The following SHROOM3 variants were observed in gnomAD, a reference collection of about 807,000 sequenced individuals.
SHROOM3 encodes protein Shroom3.
SHROOM3 carries 47 observed loss-of-function variants against 138.6 expected under a neutral mutation model. The ratio of observed to expected loss-of-function variants is 0.34; its 90% CI spans 0.27 to 0.43. The LOEUF (loss-of-function observed/expected upper bound fraction) is 0.43. Among genes scored for constraint, SHROOM3 ranks in the 20% least tolerant of loss-of-function variants. SHROOM3 has a pLI of 1.00. For missense variants in SHROOM3, 2,491 were observed against 2,596.5 expected (o/e 0.96, Z 0.88); for synonymous variants, 1,062 against 1,063.3 (o/e 1.00, Z 0.02).
chr4:76,569,101 T>C (rs1489337608), intron 2 of SHROOM3, among the ~76,000 whole-genome samples: 1 of 152,268 alleles, frequency 6.6e-6, no homozygotes, highest in Non-Finnish European at 1.5e-5. Context: ...ATGTGCTGAA[T>C]GGAGGCATTT....
intron 10 of SHROOM3, 100 bp downstream of exon 10, chr4:76,770,998 G>A (rs1446856833): frequency 6.7e-7 from 1 of 1,484,642 alleles, no homozygotes. Flanking sequence ...GAAGATTTGT[G>A]GCAATCTCTT....
chr4:76,568,946 A>C (rs896487044), intron 2 of SHROOM3, among the ~76,000 whole-genome samples: 1 of 152,172 alleles, frequency 6.6e-6, no homozygotes, highest in Non-Finnish European at 1.5e-5. Flanking sequence ...AACCATCCAC[A>C]CTTCATATGG....
intron 2 of SHROOM3, among the ~76,000 whole-genome samples, chr4:76,696,623 CT>C (rs1719743164): frequency 6.6e-6 from 1 of 152,212 alleles, no homozygotes; most frequent in Non-Finnish European, 1.5e-5. Flanking sequence ...TGCCAAACTC[CT>C]CCCTGAGGTC....
At chr4:76,535,277 T>C (rs1732927630) in intron 1 of SHROOM3, among the ~76,000 whole-genome samples, 1 of 152,192 alleles carries the variant, frequency 6.6e-6, no homozygotes, top group African/African-American at 2.4e-5. Context: ...AAAAGTACCA[T>C]TCCCACTGGA....
intron 1 of SHROOM3, among the ~76,000 whole-genome samples, chr4:76,509,072 TACTG>T (rs1457562150): frequency 6.6e-6 from 1 of 152,196 alleles, no homozygotes; most frequent in Non-Finnish European, 1.5e-5. Context: ...AATACTATCA[TACTG>T]ACTATTAGAT....
chr4:76,762,110 A>G (rs1161251466), intron 9 of SHROOM3, among the ~76,000 whole-genome samples: 1 of 152,116 alleles, frequency 6.6e-6, no homozygotes, highest in Non-Finnish European at 1.5e-5. Flanking sequence ...ATTCAGAAGA[A>G]AAAAAAATCT....
chr4:76,749,032 C>A lies in SHROOM3; in HGVS notation c.3769C>A (p.Gln1257Lys). ...ADKRQDVLLG[Q>K]DSGFGLVKDP... ...GTGTTTCAAGGATGTGCTTTTGGGGCAAGACAGTGGCTTTGGTCTTGTGAA... is the reference window on the plus strand; with the variant it reads ...GTGTTTCAAGGATGTGCTTTTGGGGAAAGACAGTGGCTTTGGTCTTGTGAA... The change falls in exon 6 of 11, where the codon CAA becomes AAA. Residue 1257 changes from glutamine (Q) to lysine (K), a missense_variant. Physicochemically the swap from Gln to Lys is moderately conservative, Grantham distance 53 (BLOSUM62 1). Transcript: ENST00000296043. 2 of 1,613,850 alleles carry A rather than the reference C, an allele frequency of 1.2e-6. No homozygotes were observed. Among genetic ancestry groups the A allele is most frequent in the Non-Finnish European group, 1.7e-6 (2 of 1,179,904 alleles).
intron 1 of SHROOM3, among the ~76,000 whole-genome samples, chr4:76,471,486 C>T (rs1454256616): frequency 6.6e-6 from 1 of 152,168 alleles, no homozygotes; most frequent in African/African-American, 2.4e-5. Flanking sequence ...TTGTGATCCA[C>T]CCACCTTGGC....
chr4:76,658,412 C>G (rs1250096660), intron 2 of SHROOM3, among the ~76,000 whole-genome samples: 3 of 152,122 alleles, frequency 2.0e-5, no homozygotes, highest in African/African-American at 7.2e-5. Context: ...ATTTACATTG[C>G]TGGTTTCCAT....
intron 1 of SHROOM3, among the ~76,000 whole-genome samples, chr4:76,536,367 G>T (rs1732953462): frequency 1.3e-5 from 2 of 152,150 alleles, no homozygotes; most frequent in African/African-American, 2.4e-5. Context: ...TTTTAAGGTG[G>T]TATCAAGGTG....
intron 1 of SHROOM3, among the ~76,000 whole-genome samples, chr4:76,529,822 G>A (rs1041207955): frequency 6.6e-6 from 1 of 152,194 alleles, no homozygotes; most frequent in Non-Finnish European, 1.5e-5. Context: ...TCACTGTCTA[G>A]TCTGGGGAGG....
At chr4:76,557,363 C>T (rs1252140413) in intron 2 of SHROOM3, among the ~76,000 whole-genome samples, 3 of 151,984 alleles carry the variant, frequency 2.0e-5, no homozygotes, top group Admixed American at 1.3e-4. Flanking sequence ...AAGCCAGTCA[C>T]AGAACCGTAA....
chr4:76,444,591 G>T (rs971198984), intron 1 of SHROOM3, among the ~76,000 whole-genome samples: 2 of 148,704 alleles, frequency 1.3e-5, no homozygotes, highest in Non-Finnish European at 3.0e-5. Flanking sequence ...CCACCTCCCG[G>T]GTTCAAGCGA....
At chr4:76,764,232 C>T (rs974750292) in intron 9 of SHROOM3, among the ~76,000 whole-genome samples, 2 of 152,160 alleles carry the variant, frequency 1.3e-5, no homozygotes, top group Non-Finnish European at 2.9e-5. Flanking sequence ...TTTTGATATA[C>T]GTAAAACTAA....
intron 1 of SHROOM3, among the ~76,000 whole-genome samples, chr4:76,465,639 C>T (rs1731235333): frequency 6.6e-6 from 1 of 152,204 alleles, no homozygotes; most frequent in Admixed American, 6.5e-5. Flanking sequence ...TCTGATACCT[C>T]ACTTGTTTAT....
chr4:76,713,049 C>T (rs913416129), intron 3 of SHROOM3, among the ~76,000 whole-genome samples: 3 of 152,322 alleles, frequency 2.0e-5, no homozygotes, highest in Middle Eastern at 3.4e-3. Flanking sequence ...ATGAAGGGAG[C>T]CTGCAGGAAT....
intron 3 of SHROOM3, among the ~76,000 whole-genome samples, chr4:76,727,128 C>T (rs1720730178): frequency 6.6e-6 from 1 of 152,172 alleles, no homozygotes. Context: ...AGGAAGATGA[C>T]AGTTTGTTCT....
At chr4:76,729,061 CT>C (rs1372446136) in intron 3 of SHROOM3, among the ~76,000 whole-genome samples, 2 of 152,142 alleles carry the variant, frequency 1.3e-5, no homozygotes, top group African/African-American at 2.4e-5. Context: ...GGTAATAAGA[CT>C]TAACATTTAT....
At chr4:76,614,510 A>AATT (rs1560565548) in intron 2 of SHROOM3, among the ~76,000 whole-genome samples, 5 of 152,078 alleles carry the variant, frequency 3.3e-5, no homozygotes, top group Non-Finnish European at 7.4e-5. Context: ...TTTGGGATAC[A>AATT]TGTGCAGAAT....
Sources: gnomAD v4.1 joint callset for allele counts (sites outside exome capture counted in the v4.1 genomes callset) on GRCh38, gnomAD v4.1.1 for gene constraint, MANE v1.5 for transcripts, NCBI Gene and HGNC (gene_info 2026-07-23, HGNC 2026-07-21) for gene names.